Variants in WTAP observed in about 807,000 individuals in gnomAD.
WTAP encodes pre-mRNA-splicing regulator WTAP.
In WTAP, 8 loss-of-function variants were observed where a neutral mutation model predicts 50.0. That is an observed-to-expected ratio of 0.16 (90% CI 0.09 to 0.29). WTAP has a LOEUF of 0.29. WTAP is among the 10% of genes least tolerant of loss of function. WTAP has a pLI of 1.00. For synonymous variants in WTAP, 194 were observed against 169.0 expected (o/e 1.15, Z -1.15); for missense variants, 295 against 470.7 (o/e 0.63, Z 3.45).
chr6:159,755,711 G>T lies in WTAP; in HGVS notation c.*100G>T. The T allele has an allele frequency of 1.7e-6, 2 of 1,207,152 alleles. No individual in the cohort carries two copies. The highest frequency in any genetic ancestry group is 2.0e-6 in the Non-Finnish European group (2 of 976,858). The allele number at this position is 1,207,152 out of a possible 1,614,324, so 74.8% of individuals were successfully genotyped here. A position where few individuals can be genotyped will look rare whatever the true frequency, so the allele number is the denominator to read the frequency against. On this transcript the variant is annotated 3_prime_UTR_variant, in exon 8 of 8. Transcript: ENST00000621533. ...TTTGTCACAATTTGCCTTTTTGTGG[G>T]TGTACGTTTTGGTTTTTTTTTGTTG...
At chr6:159,742,528 TTA>T (rs1779320478) in intron 4 of WTAP, among the ~76,000 whole-genome samples, 1 of 152,182 alleles carries the variant, frequency 6.6e-6, no homozygotes, top group South Asian at 2.1e-4. Flanking sequence ...AGTAACAGAT[TTA>T]TGACAGCTTA....
intron 5 of WTAP, among the ~76,000 whole-genome samples, chr6:159,747,002 G>C (rs943351698): frequency 1.3e-5 from 2 of 152,152 alleles, no homozygotes; most frequent in Admixed American, 6.5e-5. Flanking sequence ...TATCTTAGCA[G>C]CTGGCTTCAC....
At chr6:159,732,398 T>TC (rs1778627667) in intron 1 of WTAP, among the ~76,000 whole-genome samples, 1 of 152,196 alleles carries the variant, frequency 6.6e-6, no homozygotes, top group African/African-American at 2.4e-5. Context: ...CATTCACAGA[T>TC]CTCTACCACA....
chr6:159,727,914 C>T lies in WTAP; in HGVS notation c.-9+211C>T, dbSNP rs146136057. 5.2e-3 allele frequency among the ~76,000 whole-genome samples: 787 copies of T among 152,362 alleles called. 5 individuals carry two copies. Among genetic ancestry groups the T allele is most frequent in the African/African-American group, 0.018 (745 of 41,596 alleles). The stretch of plus-strand genomic sequence containing the variant: ...GGCCATTTTATCTCTGTCCTCCGTC[C>T]CCAAGGCCCGGGTTGAGAGGGGTGC... On this transcript the variant is annotated intron_variant, in intron 1 of 7. Transcript: ENST00000621533.
At chr6:159,741,878 G>A in intron 3 of WTAP, 1 of 421,170 alleles carries the variant, frequency 2.4e-6, no homozygotes, top group South Asian at 2.5e-5. Flanking sequence ...CTGAGGCAGG[G>A]ACATCGCTTG....
chr6:159,734,754 T>C (rs1218764635), intron 1 of WTAP, among the ~76,000 whole-genome samples: 1 of 152,240 alleles, frequency 6.6e-6, no homozygotes, highest in African/African-American at 2.4e-5. Context: ...AAAAGAGCAC[T>C]GGTACTCAGA....
chr6:159,736,949 A>G (rs1319715106), intron 2 of WTAP, among the ~76,000 whole-genome samples: 1 of 152,242 alleles, frequency 6.6e-6, no homozygotes, highest in Non-Finnish European at 1.5e-5. Context: ...TAGATATTAC[A>G]GAAGTTTCCT....
At position 159,748,068 on chromosome 6, in the gene WTAP, GA is replaced by G; in HGVS notation, c.274-122del. The G allele has an allele frequency of 8.2e-7, 1 of 1,225,744 alleles. No individual in the cohort carries two copies. The highest frequency in any genetic ancestry group is 1.1e-6 in the Non-Finnish European group (1 of 893,784). The allele number at this position is 1,225,744 out of a possible 1,614,324, so 75.9% of individuals were successfully genotyped here. On this transcript the variant is annotated intron_variant, in intron 5 of 7. Transcript: ENST00000621533. This position sits in a 1 kb window ranked among gnomAD's most constrained non-coding sequence, Gnocchi z 5.6. ...TTAAGATTTTTCTAGAGAATTTCAG[GA>G]TCAAAGAGGGGAGGAGCTTAATGAA... is the stretch of plus-strand genomic sequence containing the variant.
chr6:159,751,576 T>G (rs1421715266), intron 6 of WTAP, among the ~76,000 whole-genome samples: 1 of 152,250 alleles, frequency 6.6e-6, no homozygotes, highest in Non-Finnish European at 1.5e-5. Flanking sequence ...GGTGGAAATC[T>G]GGAGCTACAG....
chr6:159,743,662 C>A lies in WTAP; in HGVS notation c.146-3C>A. 1 of 1,582,494 alleles carries A rather than the reference C, an allele frequency of 6.3e-7. No individual in the cohort carries two copies. Among genetic ancestry groups the A allele is most frequent in the Non-Finnish European group, 8.6e-7 (1 of 1,168,532 alleles). ...TATTTATAATTTTTTTTTGAATCAT[C>A]AGCTAATGATGTAACTGGCCTAAGA... On this transcript the variant is annotated splice_polypyrimidine_tract_variant and splice_region_variant and intron_variant, in intron 4 of 7. Coordinates refer to ENST00000621533, the MANE Select transcript of WTAP (RefSeq NM_001270531.2).
At position 159,752,094 on chromosome 6, in the gene WTAP, A is replaced by G. The variant is rs572529977; in HGVS notation, c.453-1366A>G. Among the ~76,000 whole-genome samples the G allele has an allele frequency of 2.6e-5, 4 of 152,268 alleles. No homozygotes were observed. The South Asian group carries it at 6.2e-4, about 24-fold the overall frequency. On this transcript the variant is annotated intron_variant, in intron 6 of 7. Coordinates refer to ENST00000621533, the MANE Select transcript of WTAP (RefSeq NM_001270531.2). ...AAAAAAAAAATGCTGTAGGTGAAAG[A>G]ACCATGCAACACTTCAAAGATTGAT...
At chr6:159,753,297 T>C in intron 6 of WTAP, 163 bp from the exon 7 acceptor site, 1 of 1,033,194 alleles carries the variant, frequency 9.7e-7, no homozygotes, top group South Asian at 1.7e-5. Context: ...AATACTGAAA[T>C]GCAGAAGATG....
chr6:159,727,374 T>TGGCAGGGGGCGGGAGGCGGGA, upstream of WTAP: 2 of 1,032,512 alleles, frequency 1.9e-6, no homozygotes, highest in Non-Finnish European at 2.5e-6. Context: ...GCGGGGAGGC[T>TGGCAGGGGGCGGGAGGCGGGA]GGCGGGAGGC....
chr6:159,728,780 A>T (rs1459937212), intron 1 of WTAP, among the ~76,000 whole-genome samples: 1 of 152,212 alleles, frequency 6.6e-6, no homozygotes, highest in East Asian at 1.9e-4. Context: ...TTGAGGTTAC[A>T]TTTTAAGGGT....
At chr6:159,747,863 G>A (rs60955927) in intron 5 of WTAP, among the ~76,000 whole-genome samples, 2,851 of 150,500 alleles carry the variant, frequency 0.019, 102 homozygotes, top group African/African-American at 0.066. Flanking sequence ...GTAATCAAAT[G>A]GCCTCAATTC....
At chr6:159,727,486 G>A (rs182631265), upstream of WTAP, 2 of 993,074 alleles carry the variant, frequency 2.0e-6, no homozygotes, top group South Asian at 4.4e-5. Context: ...GGGCGGGGCC[G>A]GGCGGCGGGG....
At chr6:159,726,729 G>A, upstream of WTAP, 1 of 1,269,878 alleles carries the variant, frequency 7.9e-7, no homozygotes, top group Non-Finnish European at 1.0e-6. Context: ...TCCGACGCCA[G>A]AGAACAATAG....
At chr6:159,753,122 G>A (rs932679705) in intron 6 of WTAP, among the ~76,000 whole-genome samples, 1 of 152,118 alleles carries the variant, frequency 6.6e-6, no homozygotes, top group Non-Finnish European at 1.5e-5. Flanking sequence ...AATAATACTG[G>A]TATAGCCAAG....
Position 159,748,164 on chromosome 6 carries a change from C to T in WTAP, c.274-27C>T, listed in dbSNP as rs201600176. 2.7e-5 allele frequency: 43 copies of T among 1,601,376 alleles called. No individual in the cohort carries two copies. In the East Asian group the frequency reaches 5.9e-4, roughly 22 times the overall value. On this transcript the variant is annotated intron_variant, in intron 5 of 7. Coordinates refer to ENST00000621533, the MANE Select transcript of WTAP (RefSeq NM_001270531.2). This position sits in a 1 kb window ranked among gnomAD's most constrained non-coding sequence, Gnocchi z 5.6. ...TTATGTATGTTTCCTTTGATTTGGT[C>T]GTAATTGTTTCTTTTGCTTTGCACA...
Sources: gnomAD v4.1 joint callset for allele counts (sites outside exome capture counted in the v4.1 genomes callset) on GRCh38, gnomAD v4.1.1 for gene constraint, Gnocchi (gnomAD v3.1) non-coding constraint, MANE v1.5 for transcripts, NCBI Gene and HGNC (gene_info 2026-07-23, HGNC 2026-07-21) for gene names.